The following CTNNA2 variants were observed in gnomAD, a reference collection of about 807,000 sequenced individuals.
CTNNA2 encodes catenin alpha-2.
In CTNNA2, 42 loss-of-function variants were observed where a neutral mutation model predicts 101.0. The ratio of observed to expected loss-of-function variants is 0.42; its 90% confidence interval spans 0.32 to 0.54. The LOEUF (loss-of-function observed/expected upper bound fraction) is 0.54, where lower values mean the gene tolerates loss of function less well. Among genes scored for constraint, CTNNA2 ranks in the 20% least tolerant of loss-of-function variants. The pLI is 0.14. For synonymous variants in CTNNA2, 450 were observed against 456.4 expected (o/e 0.99, Z 0.18); for missense variants, 871 against 1,223.1 (o/e 0.71, Z 4.29).
At chr2:80,087,068 T>C (rs974888287) in intron 7 of CTNNA2, among the ~76,000 whole-genome samples, 1 of 152,046 alleles carries the variant, frequency 6.6e-6, no homozygotes, top group Non-Finnish European at 1.5e-5. Context: ...ATACCACTTA[T>C]TTTGCTATGT....
intron 7 of CTNNA2, among the ~76,000 whole-genome samples, chr2:80,244,319 T>G (rs1019446976): frequency 6.6e-6 from 1 of 152,226 alleles, no homozygotes; most frequent in Non-Finnish European, 1.5e-5. Flanking sequence ...AAATCTACCT[T>G]AGACGATTCT....
chr2:80,271,588 A>C (rs1335389566), intron 7 of CTNNA2, among the ~76,000 whole-genome samples: 1 of 151,916 alleles, frequency 6.6e-6, no homozygotes, highest in Non-Finnish European at 1.5e-5. Flanking sequence ...CGCCAGGCTA[A>C]TTTTTTTATA....
intron 1 of CTNNA2, among the ~76,000 whole-genome samples, chr2:79,517,021 A>G (rs1341638135): frequency 6.6e-6 from 1 of 152,100 alleles, no homozygotes. Flanking sequence ...TAAATTCTAA[A>G]TGGATGGTGC....
intron 7 of CTNNA2, among the ~76,000 whole-genome samples, chr2:79,911,497 T>C (rs1028870921): frequency 1.3e-5 from 2 of 152,234 alleles, no homozygotes; most frequent in Non-Finnish European, 2.9e-5. Flanking sequence ...ATTTTCAGTT[T>C]GGTGTCTAGA....
rs1384412151 is a variant in CTNNA2, at chr2:79,312,707, AG to A, written c.-405-1del. ...AATAATACTCTTGACCTTCATTCACAGAACAAAATATACAGCTGGATGTTTG... is the reference window on the plus strand; with the variant it reads ...AATAATACTCTTGACCTTCATTCACAAACAAAATATACAGCTGGATGTTTG... On this transcript the variant is annotated splice_acceptor_variant, in intron 2 of 21. Transcript: ENST00000466387. LOFTEE classifies it low-confidence loss of function (5UTR_SPLICE). The A allele has an allele frequency of 6.6e-6, 1 of 152,230 alleles. No individual in the cohort carries two copies. The highest frequency in any genetic ancestry group is 1.5e-5 in the Non-Finnish European group (1 of 68,038). The allele number at this position is 152,230 out of a possible 1,614,324, so 9.4% of individuals were successfully genotyped here.
intron 12 of CTNNA2, among the ~76,000 whole-genome samples, chr2:80,568,721 T>C (rs981575415): frequency 6.6e-6 from 1 of 152,130 alleles, no homozygotes; most frequent in Admixed American, 6.5e-5. Context: ...GAGTAGGAGT[T>C]CACCTGGGCC....
At chr2:79,974,276 T>C (rs1331720393) in intron 7 of CTNNA2, among the ~76,000 whole-genome samples, 1 of 152,122 alleles carries the variant, frequency 6.6e-6, no homozygotes, top group Non-Finnish European at 1.5e-5. Flanking sequence ...GAGCTAAAGA[T>C]AAAGCCCAAT....
intron 3 of CTNNA2, among the ~76,000 whole-genome samples, chr2:79,785,890 T>G (rs1674800286): frequency 6.6e-6 from 1 of 152,056 alleles, no homozygotes; most frequent in Non-Finnish European, 1.5e-5. Context: ...ATGAAAGAAA[T>G]AGCCACTTGC....
chr2:79,729,434 A>G (rs1046039534), intron 2 of CTNNA2, among the ~76,000 whole-genome samples: 24 of 152,182 alleles, frequency 1.6e-4, no homozygotes, highest in Admixed American at 3.3e-4. Flanking sequence ...CAAATTCTGT[A>G]TTGTTTCTGT....
chr2:79,651,446 T>C (rs1681242241), intron 1 of CTNNA2, 106 bp from the exon 2 acceptor site: 6 of 1,048,098 alleles, frequency 5.7e-6, no homozygotes, highest in South Asian at 4.3e-5. Context: ...AGAGAGGCTA[T>C]CTTCCAGTAT....
intron 7 of CTNNA2, among the ~76,000 whole-genome samples, chr2:80,121,520 A>G (rs935115686): frequency 7.9e-5 from 12 of 152,192 alleles, no homozygotes; most frequent in African/African-American, 2.7e-4. Context: ...TTCCATAGTA[A>G]GTGCCTTAGA....
At chr2:80,173,242 T>G (rs1705184159) in intron 7 of CTNNA2, among the ~76,000 whole-genome samples, 1 of 152,228 alleles carries the variant, frequency 6.6e-6, no homozygotes, top group Admixed American at 6.5e-5. Context: ...CACAGCCATG[T>G]GCCAGGCTCA....
intron 5 of CTNNA2, among the ~76,000 whole-genome samples, chr2:79,870,777 C>T (rs1574185162): frequency 6.6e-6 from 1 of 152,212 alleles, no homozygotes; most frequent in African/African-American, 2.4e-5. Context: ...ATAAAACCAT[C>T]AGACCCCCGT....
intron 7 of CTNNA2, among the ~76,000 whole-genome samples, chr2:80,383,897 G>A (rs2149353046): frequency 6.6e-6 from 1 of 152,226 alleles, no homozygotes; most frequent in African/African-American, 2.4e-5. Flanking sequence ...CTTCACAATA[G>A]CAAAGACATG....
chr2:79,812,910 C>A (rs1481091378), intron 3 of CTNNA2, among the ~76,000 whole-genome samples: 1 of 152,076 alleles, frequency 6.6e-6, no homozygotes, highest in Non-Finnish European at 1.5e-5. Flanking sequence ...GAAAGCTCAG[C>A]CTCCACACCC....
In CTNNA2 at chr2:79,977,920, T is replaced by A. The variant is rs1690982602; in HGVS notation, c.1056+68123T>A. ...CCTTTACTGAGTACCTGTTGGGTGC[T>A]CAAGCTTGGGTGGTGAGTACAGTGG... On this transcript the variant is annotated intron_variant, in intron 7 of 18. Coordinates refer to ENST00000402739, the MANE Select transcript of CTNNA2 (RefSeq NM_001282597.3). 1.3e-5 allele frequency among the ~76,000 whole-genome samples: 2 copies of A among 152,096 alleles called. 1 individual carries two copies. The highest frequency in any genetic ancestry group is 4.1e-4 in the South Asian group (2 of 4,820).
chr2:80,305,400 A>G (rs756668677), intron 7 of CTNNA2: 79 of 982,980 alleles, frequency 8.0e-5, no homozygotes, highest in Non-Finnish European at 8.9e-5. Flanking sequence ...TATGGGGTAC[A>G]GAGTGGATTA....
At chr2:79,600,394 T>C (rs1318766351) in intron 1 of CTNNA2, among the ~76,000 whole-genome samples, 2 of 151,954 alleles carry the variant, frequency 1.3e-5, no homozygotes, top group Admixed American at 6.6e-5. Context: ...ACTAGGCTGG[T>C]CTCAAACTCC....
In CTNNA2 at chr2:80,210,508, C is replaced by G. The variant is rs184664940; in HGVS notation, c.1057-182703C>G. On this transcript the variant is annotated intron_variant, in intron 7 of 18. Transcript: ENST00000402739. ...GATAGTTTGCTGAGAATGATGGTTT[C>G]CAGCTTCATCCATGTCCCTACAAAG... is the stretch of plus-strand genomic sequence containing the variant. Among the ~76,000 whole-genome samples the G allele has an allele frequency of 4.8e-3, 737 of 152,240 alleles. 3 individuals carry two copies. The highest frequency in any genetic ancestry group is 7.7e-3 in the Non-Finnish European group (524 of 68,018).
Sources: gnomAD v4.1 joint callset for allele counts (sites outside exome capture counted in the v4.1 genomes callset) on GRCh38, gnomAD v4.1.1 for gene constraint, MANE v1.5 for transcripts, NCBI Gene and HGNC (gene_info 2026-07-23, HGNC 2026-07-21) for gene names.